The following MSL2 variants were observed in gnomAD, a reference collection of about 807,000 sequenced individuals.
MSL2 encodes the protein MSL complex subunit 2.
MSL2 carries 2 observed loss-of-function variants against 35.8 expected under a neutral mutation model. The ratio of observed to expected loss-of-function variants is 0.06; its 90% CI spans 0.02 to 0.18. The LOEUF is 0.18. Ranked by LOEUF, MSL2 falls within the 10% of genes least tolerant of loss-of-function variation. MSL2 has a pLI of 1.00. For missense variants in MSL2, 523 were observed against 706.7 expected (o/e 0.74, Z 2.95); for synonymous variants, 296 against 255.7 (o/e 1.16, Z -1.50).
Position 136,152,516 on chromosome 3 carries a change from G to C in MSL2, c.365C>G (p.Ala122Gly), listed in dbSNP as rs774882966. Residue 122 changes from alanine (A) to glycine (G), a missense_variant, in exon 2 of 2, where the codon GCA becomes GGA. This residue lies in a region of MSL2 where 361 missense variants were observed against 414.6 expected (regional missense o/e 0.87). Transcript: ENST00000309993. ...QTTLARDIIE[A>G]VDCSSDILAL... The stretch of plus-strand genomic sequence containing the variant: ...CAAAATATCAGAAGAACAGTCAACT[G>C]CTTCTATTATATCCCGTGCCAGTGT... 1 of 1,614,190 alleles carries C rather than the reference G, an allele frequency of 6.2e-7. No individual in the cohort carries two copies. Among genetic ancestry groups the C allele is most frequent in the East Asian group, 2.2e-5 (1 of 44,884 alleles).
chr3:136,160,726 T>A (rs545934423), intron 1 of MSL2, among the ~76,000 whole-genome samples: 33 of 148,852 alleles, frequency 2.2e-4, no homozygotes, highest in African/African-American at 7.9e-4. Context: ...AAAAAAAAAA[T>A]TCAAATCGGT....
intron 1 of MSL2, among the ~76,000 whole-genome samples, chr3:136,184,420 G>A (rs1202505569): frequency 6.6e-6 from 1 of 151,904 alleles, no homozygotes; most frequent in Non-Finnish European, 1.5e-5. Context: ...GGCCAACATG[G>A]TGAAACCCGT....
chr3:136,155,881 T>A, intron 1 of MSL2: 1 of 576,348 alleles, frequency 1.7e-6, no homozygotes, highest in South Asian at 1.4e-5. Flanking sequence ...CATTTCTACC[T>A]GGCTGTGATG....
chr3:136,180,816 G>GGAGGGAGGGAAGGAAGGAAGGAA (rs1553767129), intron 1 of MSL2, among the ~76,000 whole-genome samples: 2 of 53,608 alleles, frequency 3.7e-5, no homozygotes, highest in Non-Finnish European at 6.5e-5. Flanking sequence ...GAGGGAAGGA[G>GGAGGGAGGGAAGGAAGGAAGGAA]GGAAGGAAGG....
At chr3:136,176,952 A>G (rs146229062) in intron 1 of MSL2, among the ~76,000 whole-genome samples, 1,534 of 152,316 alleles carry the variant, frequency 0.01, 28 homozygotes, top group African/African-American at 0.033. Context: ...AGCTCAGGTC[A>G]AAGAGAAATG....
At chr3:136,192,097 C>A (rs1420427567) in intron 1 of MSL2, among the ~76,000 whole-genome samples, 2 of 152,166 alleles carry the variant, frequency 1.3e-5, no homozygotes, top group African/African-American at 4.8e-5. Context: ...CAGACTGATA[C>A]AAAATCTGCA....
At chr3:136,154,584 A>T (rs1423503242) in intron 1 of MSL2, among the ~76,000 whole-genome samples, 1 of 151,726 alleles carries the variant, frequency 6.6e-6, no homozygotes, top group Admixed American at 6.6e-5. Flanking sequence ...AAAAAAAATG[A>T]GAAAAATCCC....
At position 136,195,209 on chromosome 3, in the gene MSL2, C is replaced by A; in HGVS notation, c.-96G>T. ...GAACGATGGCGAATTTGCAACAATTCGGAAGAAATCAGAGCCGAACCATTG... is the reference window on the plus strand; with the variant it reads ...GAACGATGGCGAATTTGCAACAATTAGGAAGAAATCAGAGCCGAACCATTG... On this transcript the variant is annotated 5_prime_UTR_variant, in exon 1 of 2. Coordinates refer to ENST00000309993, the MANE Select transcript of MSL2 (RefSeq NM_018133.4). The A allele has an allele frequency of 6.5e-7, 1 of 1,532,312 alleles. No individual in the cohort carries two copies. The highest frequency in any genetic ancestry group is 1.3e-5 in the South Asian group (1 of 77,936). The allele number at this position is 1,532,312 out of a possible 1,614,324, so 94.9% of individuals were successfully genotyped here. A position where few individuals can be genotyped will look rare whatever the true frequency, so the allele number is the denominator to read the frequency against.
Position 136,152,027 on chromosome 3 carries a change from A to G in MSL2, c.854T>C (p.Val285Ala). 1 of 1,614,128 alleles carries G rather than the reference A, an allele frequency of 6.2e-7. No homozygotes were observed. Among genetic ancestry groups the G allele is most frequent in the South Asian group, 1.1e-5 (1 of 91,076 alleles). ...GTTCGGCTGCAAATTAGGGCAACAG[A>G]CCTCTGTATTTGAAACAGTTTCTAA... ...RSLETVSNTE[V>A]CCPNLQPNLE... Residue 285 changes from valine to alanine, a missense_variant, in exon 2 of 2, where the codon GTC becomes GCC. Around this residue, in one of 5 missense-constraint regions of MSL2, gnomAD observed 361 missense variants for 414.6 expected, o/e 0.87. Coordinates refer to ENST00000309993, the MANE Select transcript of MSL2 (RefSeq NM_018133.4).
At chr3:136,164,291 T>A (rs1275659256) in intron 1 of MSL2, among the ~76,000 whole-genome samples, 1 of 152,240 alleles carries the variant, frequency 6.6e-6, no homozygotes, top group Non-Finnish European at 1.5e-5. Context: ...AAAGGACTCA[T>A]ACTCTACATG....
chr3:136,159,193 A>G (rs1939622468), intron 1 of MSL2, among the ~76,000 whole-genome samples: 1 of 152,158 alleles, frequency 6.6e-6, no homozygotes, highest in African/African-American at 2.4e-5. Context: ...AAATTTTACT[A>G]TAAAGCCATA....
At chr3:136,160,995 G>A (rs1939694321) in intron 1 of MSL2, among the ~76,000 whole-genome samples, 2 of 152,044 alleles carry the variant, frequency 1.3e-5, no homozygotes, top group East Asian at 1.9e-4. Flanking sequence ...GCTGAGGCAG[G>A]GGAATCACTT....
At chr3:136,167,787 T>G (rs1409874379) in intron 1 of MSL2, among the ~76,000 whole-genome samples, 1 of 152,146 alleles carries the variant, frequency 6.6e-6, no homozygotes, top group Non-Finnish European at 1.5e-5. Flanking sequence ...AATACTTAAA[T>G]ATATGGGAAA....
chr3:136,195,352 C>T lies in MSL2; in HGVS notation c.-239G>A. On this transcript the variant is annotated 5_prime_UTR_variant, in exon 1 of 2. Transcript: ENST00000309993. ...CCAGACCAAAAATATGAGAGAGAAACCAGCGTTCGAGTTCGTCCGGAGCGA... is the reference window on the plus strand; with the variant it reads ...CCAGACCAAAAATATGAGAGAGAAATCAGCGTTCGAGTTCGTCCGGAGCGA... 1.6e-6 allele frequency: 2 copies of T among 1,286,564 alleles called. No homozygotes were observed. The highest frequency in any genetic ancestry group is 8.0e-5 in the Admixed American group (2 of 24,890). 79.7% of individuals were successfully genotyped at this position (1,286,564 alleles called of 1,614,324 possible).
rs1940817347 is a variant in MSL2, at chr3:136,195,614, G to A, written c.-501C>T. On this transcript the variant is annotated 5_prime_UTR_variant, in exon 1 of 2. Coordinates refer to ENST00000309993, the MANE Select transcript of MSL2 (RefSeq NM_018133.4). The stretch of plus-strand genomic sequence containing the variant: ...CAGTACAGGGCGCGGAGGCGGCGGC[G>A]ACGGCAAGGACGACGGTCGGGCAGC... 3 of 980,686 alleles carry A rather than the reference G, an allele frequency of 3.1e-6. No individual in the cohort carries two copies. The highest frequency in any genetic ancestry group is 3.6e-6 in the Non-Finnish European group (3 of 825,312). The allele number at this position is 980,686 out of a possible 1,614,324, so 60.7% of individuals were successfully genotyped here. A position where few individuals can be genotyped will look rare whatever the true frequency, so the allele number is the denominator to read the frequency against.
intron 1 of MSL2, among the ~76,000 whole-genome samples, chr3:136,155,371 G>A (rs1161208731): frequency 1.3e-5 from 2 of 151,990 alleles, no homozygotes; most frequent in African/African-American, 2.4e-5. Flanking sequence ...GGGCATGGTG[G>A]TGCATGCCTG....
intron 1 of MSL2, among the ~76,000 whole-genome samples, chr3:136,168,185 G>A (rs2108073564): frequency 6.6e-6 from 1 of 152,164 alleles, no homozygotes; most frequent in African/African-American, 2.4e-5. Context: ...TTCAAGATTA[G>A]CTGGGTAATG....
chr3:136,195,279 C>T lies in MSL2; in HGVS notation c.-166G>A, dbSNP rs1243917559. On this transcript the variant is annotated 5_prime_UTR_variant, in exon 1 of 2. Coordinates refer to ENST00000309993, the MANE Select transcript of MSL2 (RefSeq NM_018133.4). ...TCCGTGCAAGTTTGTGGAGCTGAAA[C>T]AATCCTCCCACACATGGGGCCTTGG... The T allele has an allele frequency of 2.6e-5, 38 of 1,443,128 alleles. No individual in the cohort carries two copies. The highest frequency in any genetic ancestry group is 3.4e-5 in the Non-Finnish European group (38 of 1,104,756). The allele number at this position is 1,443,128 out of a possible 1,614,324, so 89.4% of individuals were successfully genotyped here. A position where few individuals can be genotyped will look rare whatever the true frequency, so the allele number is the denominator to read the frequency against.
intron 1 of MSL2, among the ~76,000 whole-genome samples, chr3:136,192,613 C>T (rs1228316358): frequency 6.6e-6 from 1 of 151,468 alleles, no homozygotes; most frequent in African/African-American, 2.4e-5. Flanking sequence ...TATAAAAAAG[C>T]ATGTTTGAAA....
Sources: allele counts gnomAD v4.1 joint callset (sites outside exome capture counted in the v4.1 genomes callset), GRCh38; gene constraint gnomAD v4.1.1; regional missense constraint gnomAD v4.1.1; transcripts MANE v1.5; gene names NCBI Gene and HGNC (gene_info 2026-07-23, HGNC 2026-07-21).